LMX1A: variants seen among roughly 807,000 people sequenced by gnomAD.
The protein encoded by LMX1A is LIM homeobox transcription factor 1 alpha, also known as LIM homeobox transcription factor 1-alpha.
Under a neutral mutation model 49.1 loss-of-function variants are expected in LMX1A, and 15 were observed. That is an observed-to-expected ratio of 0.31 (90% CI 0.20 to 0.47). The LOEUF (loss-of-function observed/expected upper bound fraction) is 0.47. LMX1A is among the 20% of genes least tolerant of loss of function. LMX1A has a pLI of 1.00. For synonymous variants in LMX1A, 167 were observed against 185.7 expected (o/e 0.90, Z 0.82); for missense variants, 372 against 475.8 (o/e 0.78, Z 2.03).
chr1:165,313,624 C>T (rs1245646638), intron 3 of LMX1A, among the ~76,000 whole-genome samples: 2 of 151,920 alleles, frequency 1.3e-5, no homozygotes, highest in Admixed American at 6.6e-5. Context: ...GAGCTATTGC[C>T]AGCCCTAGGC....
chr1:165,321,791 G>T (rs1025045932), intron 3 of LMX1A, among the ~76,000 whole-genome samples: 5 of 151,954 alleles, frequency 3.3e-5, no homozygotes, highest in African/African-American at 1.2e-4. Flanking sequence ...TTTCTGCATC[G>T]AAAGACACAA....
At position 165,267,030 on chromosome 1, in the gene LMX1A, T is replaced by C. The variant is rs1653648476; in HGVS notation, c.264-17390A>G. On this transcript the variant is annotated intron_variant, in intron 3 of 8. Coordinates refer to ENST00000342310, the MANE Select transcript of LMX1A (RefSeq NM_177398.4). ...ATTTATTGAGGAGAAATTCATAGATTTCAAAGGGAACAATTCTATGATATT... is the reference window on the plus strand; with the variant it reads ...ATTTATTGAGGAGAAATTCATAGATCTCAAAGGGAACAATTCTATGATATT... 2.6e-5 allele frequency among the ~76,000 whole-genome samples: 4 copies of C among 152,104 alleles called. No homozygotes were observed. In the South Asian group the frequency reaches 8.3e-4, roughly 32 times the overall value.
At chr1:165,265,618 C>A (rs1191126352) in intron 3 of LMX1A, among the ~76,000 whole-genome samples, 1 of 152,208 alleles carries the variant, frequency 6.6e-6, no homozygotes, top group Non-Finnish European at 1.5e-5. Context: ...CATCAACCTC[C>A]ATTGCACTGT....
chr1:165,209,705 TC>T (rs1214408640), intron 6 of LMX1A, among the ~76,000 whole-genome samples: 1 of 152,206 alleles, frequency 6.6e-6, no homozygotes, highest in Non-Finnish European at 1.5e-5. Flanking sequence ...ATTATTCACA[TC>T]TATTGTAATA....
chr1:165,314,647 C>T (rs573336234), intron 3 of LMX1A, among the ~76,000 whole-genome samples: 222 of 151,990 alleles, frequency 1.5e-3, no homozygotes, highest in African/African-American at 5.1e-3. Context: ...GATCCCATCC[C>T]TTTTCTCTTT....
At position 165,203,886 on chromosome 1, in the gene LMX1A, T is replaced by C. The variant is rs1358056455; in HGVS notation, c.1143A>G (p.Thr381=). Residue 381 remains threonine, a synonymous_variant, in exon 9 of 9, where the codon ACA becomes ACG. Coordinates refer to ENST00000342310, the MANE Select transcript of LMX1A (RefSeq NM_177398.4). Reference sequence around the variant, plus strand: ...CAGAACTCTAGGGGAAGACTCAAGATGTGAAGTAAGAATTCTGCATGGAGT... The same window carrying C: ...CAGAACTCTAGGGGAAGACTCAAGACGTGAAGTAAGAATTCTGCATGGAGT... ...HLYSMQNSYF[T]S 1.2e-6 allele frequency: 2 copies of C among 1,613,984 alleles called. No individual in the cohort carries two copies. Among genetic ancestry groups the C allele is most frequent in the Admixed American group, 1.7e-5 (1 of 60,002 alleles).
chr1:165,277,890 T>G (rs1654016497), intron 3 of LMX1A, among the ~76,000 whole-genome samples: 1 of 152,234 alleles, frequency 6.6e-6, no homozygotes, highest in South Asian at 2.1e-4. Context: ...TGGTTGAGCA[T>G]CAGGGAAGTC....
At chr1:165,334,650 TA>T (rs1276519105) in intron 3 of LMX1A, among the ~76,000 whole-genome samples, 1 of 32,712 alleles carries the variant, frequency 3.1e-5, no homozygotes, top group Non-Finnish European at 9.7e-5. Flanking sequence ...CCGTTTTGCT[TA>T]AATTAAATTC....
At chr1:165,309,044 G>C (rs1330781364) in intron 3 of LMX1A, among the ~76,000 whole-genome samples, 1 of 152,030 alleles carries the variant, frequency 6.6e-6, no homozygotes, top group Non-Finnish European at 1.5e-5. Context: ...AGATGCTTAT[G>C]GAAAACCTCC....
intron 4 of LMX1A, among the ~76,000 whole-genome samples, chr1:165,220,532 C>G (rs1453027585): frequency 6.6e-6 from 1 of 152,090 alleles, no homozygotes; most frequent in Non-Finnish European, 1.5e-5. Flanking sequence ...TAAACATAGC[C>G]TCAAAGAGGT....
chr1:165,276,145 G>T (rs1653961357), intron 3 of LMX1A, among the ~76,000 whole-genome samples: 1 of 152,090 alleles, frequency 6.6e-6, no homozygotes, highest in African/African-American at 2.4e-5. Context: ...CTACAATCCT[G>T]AGAATACATT....
chr1:165,291,747 A>G (rs1654470873), intron 3 of LMX1A, among the ~76,000 whole-genome samples: 1 of 152,184 alleles, frequency 6.6e-6, no homozygotes, highest in African/African-American at 2.4e-5. Context: ...CAAAGCTGGG[A>G]TTTAAACCTG....
chr1:165,261,858 T>G (rs1653451166), intron 3 of LMX1A, among the ~76,000 whole-genome samples: 1 of 152,124 alleles, frequency 6.6e-6, no homozygotes, highest in Non-Finnish European at 1.5e-5. Flanking sequence ...GAACAGTTGC[T>G]TCCAGGAAAA....
chr1:165,325,797 T>C (rs1177536723), intron 3 of LMX1A, among the ~76,000 whole-genome samples: 2 of 151,718 alleles, frequency 1.3e-5, no homozygotes, highest in Admixed American at 6.6e-5. Context: ...GCCAGGAGAG[T>C]TAATAAACCA....
At chr1:165,334,740 C>G (rs1012554345) in intron 3 of LMX1A, among the ~76,000 whole-genome samples, 2 of 152,232 alleles carry the variant, frequency 1.3e-5, no homozygotes, top group African/African-American at 4.8e-5. Context: ...AAGTCTATAA[C>G]TGAAGAGGCA....
At chr1:165,238,295 G>T (rs1315168783) in intron 4 of LMX1A, among the ~76,000 whole-genome samples, 1 of 152,204 alleles carries the variant, frequency 6.6e-6, no homozygotes, top group East Asian at 1.9e-4. Flanking sequence ...GCTGTGGTTT[G>T]CACAGCTGAT....
chr1:165,217,166 G>A (rs1312785167), intron 4 of LMX1A, among the ~76,000 whole-genome samples: 1 of 152,110 alleles, frequency 6.6e-6, no homozygotes, highest in Non-Finnish European at 1.5e-5. Context: ...CTGGTTTTGT[G>A]GACTGTGCCT....
intron 3 of LMX1A, among the ~76,000 whole-genome samples, chr1:165,350,766 G>C (rs2101772453): frequency 6.6e-6 from 1 of 152,310 alleles, no homozygotes; most frequent in African/African-American, 2.4e-5. Flanking sequence ...GTACTGCTAT[G>C]ATGCCATGAG....
At chr1:165,349,679 T>C (rs574725845) in intron 3 of LMX1A, among the ~76,000 whole-genome samples, 1 of 152,150 alleles carries the variant, frequency 6.6e-6, no homozygotes, top group South Asian at 2.1e-4. Context: ...ATGAGAAAAA[T>C]ACTTAATAAA....
Sources: gnomAD v4.1 joint callset for allele counts (sites outside exome capture counted in the v4.1 genomes callset) on GRCh38, gnomAD v4.1.1 for gene constraint, MANE v1.5 for transcripts, NCBI Gene and HGNC (gene_info 2026-07-23, HGNC 2026-07-21) for gene names.